The following BMPR2 variants were observed in gnomAD, a reference collection of about 807,000 sequenced individuals.
The protein encoded by BMPR2 is bone morphogenetic protein receptor type-2.
In BMPR2, 29 loss-of-function variants were observed where a neutral mutation model predicts 100.8. The ratio of observed to expected loss-of-function variants is 0.29; its 90% confidence interval spans 0.21 to 0.39. The LOEUF (loss-of-function observed/expected upper bound fraction) is 0.39. BMPR2 is among the 10% of genes least tolerant of loss of function. The probability of loss-of-function intolerance (pLI) is 1.00; values close to 1 mark genes in which losing one functional copy is unlikely to be tolerated. For synonymous variants in BMPR2, 382 were observed against 442.3 expected (o/e 0.86, Z 1.71); for missense variants, 1,011 against 1,274.5 (o/e 0.79, Z 3.15).
rs959904034 is a variant in BMPR2 at position 202,534,242 on chromosome 2, ATTTT to A, written c.1276+1512_1276+1515del. Among the ~76,000 whole-genome samples, 31 of 147,228 alleles carry A rather than the reference ATTTT, an allele frequency of 2.1e-4. No individual in the cohort carries two copies. In the South Asian group the frequency reaches 5.5e-3, roughly 26 times the overall value. ...GTGTGTATATATATATATAAATAAAATTTTTATTTATTTATTTATTTATTTATTT... is the reference window on the plus strand; with the variant it reads ...GTGTGTATATATATATATAAATAAAATATTTATTTATTTATTTATTTATTT... On this transcript the variant is annotated intron_variant, in intron 9 of 12. Coordinates refer to ENST00000374580, the MANE Select transcript of BMPR2 (RefSeq NM_001204.7).
intron 3 of BMPR2, among the ~76,000 whole-genome samples, chr2:202,485,686 A>G (rs1692764423): frequency 6.6e-6 from 1 of 151,106 alleles, no homozygotes; most frequent in South Asian, 2.1e-4. Context: ...AGCTGGGACT[A>G]CAGTTGCACA....
At chr2:202,515,388 A>G (rs1481663705) in intron 5 of BMPR2, among the ~76,000 whole-genome samples, 2 of 152,028 alleles carry the variant, frequency 1.3e-5, no homozygotes, top group African/African-American at 4.8e-5. Flanking sequence ...CCTGACCAAC[A>G]TGAAGAAACC....
chr2:202,406,644 A>T (rs558915591), intron 1 of BMPR2, among the ~76,000 whole-genome samples: 2 of 152,358 alleles, frequency 1.3e-5, no homozygotes, highest in African/African-American at 4.8e-5. Context: ...AGGGGAAACC[A>T]TACAGAATTG....
At chr2:202,397,054 C>T (rs994057149) in intron 1 of BMPR2, among the ~76,000 whole-genome samples, 2 of 152,174 alleles carry the variant, frequency 1.3e-5, no homozygotes, top group African/African-American at 4.8e-5. Context: ...GCCTCGGCCT[C>T]CCAAAGTGCT....
chr2:202,504,348 A>G (rs1314938268), intron 3 of BMPR2, among the ~76,000 whole-genome samples: 14 of 151,870 alleles, frequency 9.2e-5, no homozygotes, highest in Non-Finnish European at 2.1e-4. Context: ...TCACTCCTGA[A>G]GCCAGCGAGA....
chr2:202,480,587 TA>T (rs1692638316), intron 3 of BMPR2, among the ~76,000 whole-genome samples: 1 of 152,180 alleles, frequency 6.6e-6, no homozygotes, highest in Non-Finnish European at 1.5e-5. Flanking sequence ...TTTTGTTTGA[TA>T]TCCAGTTTTC....
At chr2:202,536,870 C>CAAAAAA (rs34999694) in intron 9 of BMPR2, among the ~76,000 whole-genome samples, 1 of 84,278 alleles carries the variant, frequency 1.2e-5, no homozygotes, top group Non-Finnish European at 2.4e-5. Context: ...AACTCGGTCT[C>CAAAAAA]AAAAAAAAAA....
At chr2:202,460,822 T>TC (rs1278697462) in intron 1 of BMPR2, among the ~76,000 whole-genome samples, 3 of 151,258 alleles carry the variant, frequency 2.0e-5, no homozygotes, top group African/African-American at 7.3e-5. Flanking sequence ...CCAAACTTTT[T>TC]TTTTTTTTTT....
intron 9 of BMPR2, among the ~76,000 whole-genome samples, chr2:202,537,978 C>T (rs1014460604): frequency 1.3e-5 from 2 of 151,876 alleles, no homozygotes; most frequent in African/African-American, 4.8e-5. Flanking sequence ...AAAAATTAGA[C>T]AGGTGCAGTG....
intron 9 of BMPR2, among the ~76,000 whole-genome samples, chr2:202,538,718 CG>C (rs918345112): frequency 2.0e-5 from 3 of 149,262 alleles, no homozygotes; most frequent in Non-Finnish European, 4.4e-5. Flanking sequence ...TGCTTGAACC[CG>C]GGACGCAGAG....
At chr2:202,460,590 A>G (rs1195469739) in intron 1 of BMPR2, among the ~76,000 whole-genome samples, 1 of 152,152 alleles carries the variant, frequency 6.6e-6, no homozygotes, top group Admixed American at 6.5e-5. Flanking sequence ...AAAATTGAAT[A>G]AGAGGATTGG....
At position 202,377,449 on chromosome 2, in the gene BMPR2, C is replaced by T. The variant is rs779617809; in HGVS notation, c.-26C>T. The T allele has an allele frequency of 4.3e-6, 7 of 1,612,954 alleles. No homozygotes were observed. Among genetic ancestry groups the T allele is most frequent in the African/African-American group, 4.0e-5 (3 of 74,912 alleles). ...TACTTCCCATATTTCTTTTCTTTGC[C>T]CTCCTGATTCTTGGCTGGCCCAGGG... On this transcript the variant is annotated 5_prime_UTR_variant, in exon 1 of 13. Transcript: ENST00000374580.
chr2:202,507,072 TAAAAAAA>T (rs74622497), intron 3 of BMPR2, among the ~76,000 whole-genome samples: 44 of 121,596 alleles, frequency 3.6e-4, no homozygotes, highest in South Asian at 1.6e-3. Flanking sequence ...GACTCTGCCT[TAAAAAAA>T]AAAAAAAAAA....
intron 3 of BMPR2, among the ~76,000 whole-genome samples, chr2:202,492,700 CAAAAAAAAA>C (rs1166246933): frequency 3.8e-5 from 2 of 52,810 alleles, no homozygotes; most frequent in African/African-American, 1.7e-4. Context: ...AGCTCTGTCT[CAAAAAAAAA>C]AAAAAAAAAA....
chr2:202,444,120 A>AAGAG (rs1691803231), intron 1 of BMPR2, among the ~76,000 whole-genome samples: 1 of 150,710 alleles, frequency 6.6e-6, no homozygotes, highest in African/African-American at 2.5e-5. Context: ...GCCCTAAAGA[A>AAGAG]AGAGATACAG....
chr2:202,383,743 C>T (rs553934478), intron 1 of BMPR2, among the ~76,000 whole-genome samples: 28 of 151,108 alleles, frequency 1.9e-4, no homozygotes, highest in African/African-American at 6.6e-4. Flanking sequence ...CCTAGCTACT[C>T]AGGAAGCTGA....
Position 202,377,313 on chromosome 2 carries a change from C to T in BMPR2, c.-162C>T, listed in dbSNP as rs1231233468. 5.5e-6 allele frequency: 4 copies of T among 729,322 alleles called. No homozygotes were observed. The highest frequency in any genetic ancestry group is 1.0e-5 in the Non-Finnish European group (4 of 401,056). 45.2% of individuals were successfully genotyped at this position (729,322 alleles called of 1,614,324 possible). A position where few individuals can be genotyped will look rare whatever the true frequency, so the allele number is the denominator to read the frequency against. ...GAATTTCTGCAGCGGCATGAAAGCT[C>T]TGCAGCTAGGTCCTCTCATCAGCCA... On this transcript the variant is annotated 5_prime_UTR_variant, in exon 1 of 13. Transcript: ENST00000374580.
At position 202,443,539 on chromosome 2, in the gene BMPR2, T is replaced by C. The variant is rs574920955; in HGVS notation, c.77-21270T>C. On this transcript the variant is annotated intron_variant, in intron 1 of 12. Coordinates refer to ENST00000374580, the MANE Select transcript of BMPR2 (RefSeq NM_001204.7). Reference sequence around the variant, plus strand: ...TTTCTTTCCTTTCTTTCTCTCTCTCTTTCTGTCTCTCTCTTTCTCTCTTTC... The same window carrying C: ...TTTCTTTCCTTTCTTTCTCTCTCTCCTTCTGTCTCTCTCTTTCTCTCTTTC... Among the ~76,000 whole-genome samples the C allele has an allele frequency of 8.7e-5, 13 of 150,010 alleles. No individual in the cohort carries two copies. The East Asian group carries it at 2.5e-3, about 29-fold the overall frequency.
At chr2:202,548,543 A>G (rs1688416678) in intron 10 of BMPR2, among the ~76,000 whole-genome samples, 2 of 152,090 alleles carry the variant, frequency 1.3e-5, no homozygotes, top group South Asian at 2.1e-4. Context: ...AGTGTTTTCT[A>G]TTCTAGTCTA....
Sources: gnomAD v4.1 joint callset for allele counts (sites outside exome capture counted in the v4.1 genomes callset) on GRCh38, gnomAD v4.1.1 for gene constraint, MANE v1.5 for transcripts, NCBI Gene and HGNC (gene_info 2026-07-23, HGNC 2026-07-21) for gene names.